SUGCT: variants seen among roughly 807,000 people sequenced by gnomAD.
The protein encoded by SUGCT is succinyl-CoA:glutarate-CoA transferase, also known as succinyl-CoA:glutarate CoA-transferase.
SUGCT carries 41 observed loss-of-function variants against 55.0 expected under a neutral mutation model. That is an observed-to-expected ratio of 0.74 (90% confidence interval 0.58 to 0.97). The LOEUF is 0.97. Ranked by LOEUF, SUGCT falls within the 50% of genes least tolerant of loss-of-function variation. The pLI is 0.00. For synonymous variants in SUGCT, 187 were observed against 200.4 expected (o/e 0.93, Z 0.56); for missense variants, 568 against 547.8 (o/e 1.04, Z -0.37).
chr7:40,496,950 C>G (rs908695166), intron 12 of SUGCT, among the ~76,000 whole-genome samples: 1 of 152,168 alleles, frequency 6.6e-6, no homozygotes, highest in Non-Finnish European at 1.5e-5. Context: ...CGTTGCTTAT[C>G]AGGCTCCTTT....
intron 6 of SUGCT, among the ~76,000 whole-genome samples, chr7:40,199,208 A>C (rs1786460403): frequency 6.6e-6 from 1 of 152,148 alleles, no homozygotes; most frequent in Non-Finnish European, 1.5e-5. Flanking sequence ...TGCTGATGAG[A>C]GTAATCTTAG....
intron 13 of SUGCT, among the ~76,000 whole-genome samples, chr7:40,818,734 T>C (rs1376829518): frequency 2.6e-5 from 4 of 152,038 alleles, no homozygotes; most frequent in African/African-American, 9.7e-5. Context: ...CCACAGCAAA[T>C]AGGAAATTTG....
chr7:40,605,260 C>T (rs139564087), intron 12 of SUGCT, among the ~76,000 whole-genome samples: 32 of 152,332 alleles, frequency 2.1e-4, no homozygotes, highest in African/African-American at 6.3e-4. Flanking sequence ...TTCCTTTCAT[C>T]GTGGAATGGG....
intron 9 of SUGCT, among the ~76,000 whole-genome samples, chr7:40,448,436 A>G (rs1423486188): frequency 6.6e-6 from 1 of 152,180 alleles, no homozygotes; most frequent in East Asian, 1.9e-4. Context: ...TTTGTACATT[A>G]TAATGGATTT....
intron 8 of SUGCT, among the ~76,000 whole-genome samples, chr7:40,296,612 CGTGTGTGTGTGTGTGTGT>C (rs10528858): frequency 0.086 from 12,424 of 144,774 alleles, 833 homozygotes; most frequent in East Asian, 0.39. Context: ...GTGAGTGACT[CGTGTGTGTGTGTGTGTGT>C]GTGTGTGTGT....
At chr7:40,782,697 G>C (rs916716514) in intron 13 of SUGCT, 1 of 152,116 alleles carries the variant, frequency 6.6e-6, no homozygotes, top group African/African-American at 2.4e-5. Flanking sequence ...CATCATTCCT[G>C]TCAAGGAAAA....
chr7:40,396,308 C>G (rs1162079411), intron 9 of SUGCT, among the ~76,000 whole-genome samples: 1 of 151,844 alleles, frequency 6.6e-6, no homozygotes, highest in Admixed American at 6.6e-5. Flanking sequence ...GTTTTTATAC[C>G]AATTTTTCCG....
intron 8 of SUGCT, among the ~76,000 whole-genome samples, chr7:40,303,383 C>T (rs935013770): frequency 1.3e-5 from 2 of 152,142 alleles, no homozygotes; most frequent in African/African-American, 2.4e-5. Flanking sequence ...AAGTTCTGGG[C>T]TAAAAACATT....
chr7:40,414,015 G>C (rs995933786), intron 9 of SUGCT, among the ~76,000 whole-genome samples: 4 of 151,952 alleles, frequency 2.6e-5, no homozygotes, highest in African/African-American at 9.7e-5. Flanking sequence ...CCTATTGGTG[G>C]ACAATATATT....
At chr7:40,996,696 A>G in the SUGCT span, among the ~76,000 whole-genome samples, 1 of 152,192 alleles carries the variant, frequency 6.6e-6, no homozygotes, top group Non-Finnish European at 1.5e-5. Context: ...CATAACAAGC[A>G]GGTTGAGGTT....
At chr7:40,587,420 G>C (rs1797442817) in intron 12 of SUGCT, among the ~76,000 whole-genome samples, 1 of 152,096 alleles carries the variant, frequency 6.6e-6, no homozygotes, top group Non-Finnish European at 1.5e-5. Context: ...TAAAATTCTT[G>C]TGTCTAAACA....
the SUGCT span, among the ~76,000 whole-genome samples, chr7:41,025,471 G>T: frequency 1.3e-5 from 2 of 151,920 alleles, no homozygotes; most frequent in African/African-American, 2.4e-5. Flanking sequence ...CTGGGTTCAA[G>T]CGATTCTCCT....
the SUGCT span, among the ~76,000 whole-genome samples, chr7:40,891,584 T>C: frequency 1.3e-5 from 2 of 152,038 alleles, no homozygotes; most frequent in Admixed American, 1.3e-4. Context: ...CTTCAAAAAT[T>C]AAGGGGAGAC....
the SUGCT span, among the ~76,000 whole-genome samples, chr7:40,969,651 C>T: frequency 6.6e-6 from 1 of 152,160 alleles, no homozygotes; most frequent in Non-Finnish European, 1.5e-5. Flanking sequence ...GCCGCTGCAC[C>T]CAGCTTTCAA....
At chr7:40,238,345 A>G (rs1484398962) in intron 7 of SUGCT, among the ~76,000 whole-genome samples, 2 of 152,124 alleles carry the variant, frequency 1.3e-5, no homozygotes, top group Non-Finnish European at 2.9e-5. Flanking sequence ...GAAGTTCCTA[A>G]CAAGTATTTA....
At chr7:40,696,787 A>G (rs1159028848) in intron 12 of SUGCT, among the ~76,000 whole-genome samples, 1 of 152,178 alleles carries the variant, frequency 6.6e-6, no homozygotes, top group South Asian at 2.1e-4. Context: ...ACAGTTTACA[A>G]TGACTGCAGC....
intron 12 of SUGCT, among the ~76,000 whole-genome samples, chr7:40,542,768 T>C (rs1181380833): frequency 6.6e-6 from 1 of 152,226 alleles, no homozygotes; most frequent in Non-Finnish European, 1.5e-5. Context: ...AATGGGCCTT[T>C]CGACTGCAAA....
At chr7:40,141,737 T>C in intron 1 of SUGCT, 1 of 206,518 alleles carries the variant, frequency 4.8e-6, no homozygotes, top group South Asian at 6.7e-5. Context: ...AGACAGGGTC[T>C]GACTCCAGTA....
At chr7:40,193,120 C>T (rs925947280) in intron 5 of SUGCT, among the ~76,000 whole-genome samples, 3 of 151,558 alleles carry the variant, frequency 2.0e-5, no homozygotes, top group Non-Finnish European at 4.4e-5. Context: ...GCATGTGCCA[C>T]CATGCCTGGC....
Sources: allele counts gnomAD v4.1 joint callset (sites outside exome capture counted in the v4.1 genomes callset), GRCh38; gene constraint gnomAD v4.1.1; transcripts MANE v1.5; gene names NCBI Gene and HGNC (gene_info 2026-07-23, HGNC 2026-07-21).